The following MTHFS variants were observed in gnomAD, a reference collection of about 807,000 sequenced individuals.
The protein encoded by MTHFS is 5-formyltetrahydrofolate cyclo-ligase.
Under a neutral mutation model 12.7 loss-of-function variants are expected in MTHFS, and 7 were observed. The ratio of observed to expected loss-of-function variants is 0.55; its 90% CI spans 0.31 to 1.03. MTHFS has a LOEUF of 1.03. Ranked by LOEUF, MTHFS falls within the 50% of genes least tolerant of loss-of-function variation. MTHFS has a pLI of 0.05. For synonymous variants in MTHFS, 100 were observed against 97.1 expected, an observed-to-expected ratio of 1.03 and a Z score of -0.18; for missense variants, 252 against 258.1, an observed-to-expected ratio of 0.98 and a Z score of 0.16.
At chr15:79,863,536 TTC>T (rs1290467711) in intron 2 of MTHFS, among the ~76,000 whole-genome samples, 3 of 152,142 alleles carry the variant, frequency 2.0e-5, no homozygotes, top group South Asian at 2.1e-4. Context: ...CTGGACATCA[TTC>T]TCTCTTTCTC....
chr15:79,852,724 G>A (rs2033738313), intron 2 of MTHFS, among the ~76,000 whole-genome samples: 1 of 152,192 alleles, frequency 6.6e-6, no homozygotes, highest in African/African-American at 2.4e-5. Context: ...ACCATGTAAG[G>A]TGGCCCTTCT....
chr15:79,865,369 A>G (rs1481593768), intron 2 of MTHFS, among the ~76,000 whole-genome samples: 1 of 152,236 alleles, frequency 6.6e-6, no homozygotes, highest in Non-Finnish European at 1.5e-5. Context: ...AAAGAATGCC[A>G]TATCTAAGTC....
intron 1 of MTHFS, among the ~76,000 whole-genome samples, chr15:79,893,812 G>A (rs1013657883): frequency 6.6e-6 from 1 of 151,968 alleles, no homozygotes; most frequent in Non-Finnish European, 1.5e-5. Context: ...GTGAGTAAAG[G>A]GGCACTAATT....
intron 1 of MTHFS, 133 bp downstream of exon 1, chr15:79,896,719 TGCGCGCGCCGGGAGGGGAAA>T: frequency 1.1e-6 from 1 of 926,644 alleles, no homozygotes; most frequent in Non-Finnish European, 1.4e-6. Context: ...CTAGGGGGCG[TGCGCGCGCCGGGAGGGGAAA>T]CGTGCGCGCG....
At chr15:79,893,975 T>G (rs1239779833) in intron 1 of MTHFS, among the ~76,000 whole-genome samples, 1 of 152,252 alleles carries the variant, frequency 6.6e-6, no homozygotes, top group African/African-American at 2.4e-5. Context: ...ACACCTTTAT[T>G]GAGCATTCAC....
chr15:79,892,865 C>T (rs1047067369), intron 1 of MTHFS, among the ~76,000 whole-genome samples: 2 of 152,020 alleles, frequency 1.3e-5, no homozygotes, highest in Admixed American at 6.5e-5. Flanking sequence ...CCAGGAGAAT[C>T]GCTTGAACCC....
In MTHFS at chr15:79,843,627, A is replaced by T. The variant is rs779944504; in HGVS notation, c.*1583T>A. 2.6e-5 allele frequency: 4 copies of T among 152,214 alleles called. No individual in the cohort carries two copies. The highest frequency in any genetic ancestry group is 5.9e-5 in the Non-Finnish European group (4 of 68,046). The allele number at this position is 152,214 out of a possible 1,614,324, so 9.4% of individuals were successfully genotyped here. A position where few individuals can be genotyped will look rare whatever the true frequency, so the allele number is the denominator to read the frequency against. ...CAAAGAATAATGGATGAGTATTTTG[A>T]ATGAAACACTTCCAATGTATTCAAT... On this transcript the variant is annotated 3_prime_UTR_variant, in exon 3 of 3. Transcript: ENST00000258874.
intron 2 of MTHFS, among the ~76,000 whole-genome samples, chr15:79,886,473 C>G (rs2034384136): frequency 6.6e-6 from 1 of 151,644 alleles, no homozygotes; most frequent in Admixed American, 6.6e-5. Context: ...ATCCAGATTG[C>G]AAGTATCTGC....
intron 2 of MTHFS, among the ~76,000 whole-genome samples, chr15:79,850,086 G>A (rs562037519): frequency 3.0e-4 from 45 of 152,344 alleles, no homozygotes; most frequent in Admixed American, 9.1e-4. Flanking sequence ...TTTCTCATCC[G>A]TAAAATGGAG....
At chr15:79,877,130 G>A (rs1378173475) in intron 2 of MTHFS, 1 of 151,892 alleles carries the variant, frequency 6.6e-6, no homozygotes, top group Non-Finnish European at 1.5e-5. Context: ...AAGAAAAAAG[G>A]CAGTGTACTT....
At chr15:79,856,436 ACT>A (rs780344510) in intron 2 of MTHFS, among the ~76,000 whole-genome samples, 7 of 152,096 alleles carry the variant, frequency 4.6e-5, no homozygotes, top group Admixed American at 3.3e-4. Flanking sequence ...AAGCTTAGTG[ACT>A]CTGAGAATTT....
chr15:79,890,103 T>C (rs934195207), intron 1 of MTHFS, among the ~76,000 whole-genome samples: 4 of 151,418 alleles, frequency 2.6e-5, no homozygotes, highest in African/African-American at 9.7e-5. Flanking sequence ...AGTTGAATCA[T>C]CCATCAGGCA....
intron 1 of MTHFS, among the ~76,000 whole-genome samples, chr15:79,889,582 C>T (rs761806216): frequency 1.3e-5 from 2 of 152,156 alleles, no homozygotes; most frequent in Admixed American, 1.3e-4. Flanking sequence ...CTTCCTGGTA[C>T]ACCCACTCTG....
intron 2 of MTHFS, among the ~76,000 whole-genome samples, chr15:79,850,205 G>A (rs1288104841): frequency 6.6e-6 from 1 of 152,188 alleles, no homozygotes; most frequent in African/African-American, 2.4e-5. Flanking sequence ...ACTATTTCTT[G>A]AACCAGGTAG....
intron 2 of MTHFS, among the ~76,000 whole-genome samples, chr15:79,881,652 G>C (rs1004776768): frequency 4.0e-4 from 61 of 152,124 alleles, no homozygotes; most frequent in African/African-American, 1.4e-3. Flanking sequence ...TTCTTCCTTG[G>C]GAAAATATGA....
At chr15:79,858,868 GTC>G (rs1475495998) in intron 2 of MTHFS, among the ~76,000 whole-genome samples, 2 of 152,100 alleles carry the variant, frequency 1.3e-5, no homozygotes, top group African/African-American at 4.8e-5. Flanking sequence ...CTTCAGAAAC[GTC>G]TGTTTCCATT....
intron 1 of MTHFS, among the ~76,000 whole-genome samples, chr15:79,893,608 G>A (rs745319616): frequency 2.0e-5 from 3 of 149,982 alleles, no homozygotes; most frequent in Admixed American, 6.7e-5. Context: ...TGAGACAGGA[G>A]AATGGCATGA....
chr15:79,895,767 T>G (rs1477422683), intron 1 of MTHFS, among the ~76,000 whole-genome samples: 1 of 152,200 alleles, frequency 6.6e-6, no homozygotes, highest in Non-Finnish European at 1.5e-5. Flanking sequence ...GCACCTTGAA[T>G]TTGAGTAAAT....
chr15:79,848,553 G>C (rs1014904707), intron 2 of MTHFS, among the ~76,000 whole-genome samples: 2 of 152,172 alleles, frequency 1.3e-5, no homozygotes, highest in Non-Finnish European at 2.9e-5. Flanking sequence ...GAGAAGCCAA[G>C]AGAATAGTCA....
Sources: gnomAD v4.1 joint callset for allele counts (sites outside exome capture counted in the v4.1 genomes callset) on GRCh38, gnomAD v4.1.1 for gene constraint, MANE v1.5 for transcripts, NCBI Gene and HGNC (gene_info 2026-07-23, HGNC 2026-07-21) for gene names.